Variants in ADAM10 observed in about 807,000 individuals in gnomAD.
ADAM10 encodes disintegrin and metalloproteinase domain-containing protein 10.
Under a neutral mutation model 90.1 loss-of-function variants are expected in ADAM10, and 17 were observed. The observed-to-expected ratio is 0.19, with a 90% CI of 0.13 to 0.28. ADAM10 has a LOEUF of 0.28. Among genes scored for constraint, ADAM10 ranks in the 10% least tolerant of loss-of-function variants. The pLI is 1.00. For synonymous variants in ADAM10, 310 were observed against 298.6 expected (o/e 1.04, Z -0.40); for missense variants, 610 against 914.3 (o/e 0.67, Z 4.29).
At chr15:58,699,769 C>G (rs1350417454) in intron 2 of ADAM10, among the ~76,000 whole-genome samples, 2 of 151,934 alleles carry the variant, frequency 1.3e-5, no homozygotes, top group African/African-American at 4.8e-5. Context: ...CAGTGAGAGC[C>G]CATCTCAAAA....
chr15:58,738,741 T>A (rs1235091329), intron 1 of ADAM10, among the ~76,000 whole-genome samples: 1 of 152,258 alleles, frequency 6.6e-6, no homozygotes, highest in African/African-American at 2.4e-5. Flanking sequence ...AAATACAATT[T>A]AAAAATCAAA....
chr15:58,650,452 A>G (rs1259283811), intron 5 of ADAM10, among the ~76,000 whole-genome samples: 1 of 152,254 alleles, frequency 6.6e-6, no homozygotes, highest in Admixed American at 6.5e-5. Context: ...TGAACATTTT[A>G]TAATTTATAC....
rs746440332 is a variant in ADAM10, at chr15:58,597,512, G to A, written c.*35C>T. 2 of 1,614,014 alleles carry A rather than the reference G, an allele frequency of 1.2e-6. No homozygotes were observed. The highest frequency in any genetic ancestry group is 1.1e-5 in the South Asian group (1 of 91,062). On this transcript the variant is annotated 3_prime_UTR_variant, in exon 16 of 16. Coordinates refer to ENST00000260408, the MANE Select transcript of ADAM10 (RefSeq NM_001110.4). ...CTCTTTGGAGTGAAGTTTTCCCATT[G>A]TAGGCACTAGGAAGAACCAAGGCAA...
At chr15:58,654,610 C>A (rs1297452539) in intron 5 of ADAM10, among the ~76,000 whole-genome samples, 1 of 152,146 alleles carries the variant, frequency 6.6e-6, no homozygotes, top group Non-Finnish European at 1.5e-5. Flanking sequence ...AACTCCTGGG[C>A]TCAAATGATC....
chr15:58,625,399 T>C (rs988005214), intron 10 of ADAM10, among the ~76,000 whole-genome samples: 20 of 152,106 alleles, frequency 1.3e-4, no homozygotes, highest in African/African-American at 4.8e-4. Flanking sequence ...AATAAGTACA[T>C]GAAAAGATGT....
At chr15:58,717,870 A>T in intron 1 of ADAM10, 143 bp from the exon 2 acceptor site, 1 of 1,243,960 alleles carries the variant, frequency 8.0e-7, no homozygotes. Context: ...CATTAATATT[A>T]ACACATATAT....
intron 4 of ADAM10, among the ~76,000 whole-genome samples, chr15:58,670,053 G>A (rs1481550869): frequency 6.6e-6 from 1 of 152,018 alleles, no homozygotes; most frequent in African/African-American, 2.4e-5. Context: ...ATAAACATAT[G>A]TCAAAAGTTA....
intron 1 of ADAM10, among the ~76,000 whole-genome samples, chr15:58,721,541 C>T (rs1230584455): frequency 2.6e-5 from 4 of 152,106 alleles, no homozygotes; most frequent in African/African-American, 9.7e-5. Context: ...GATAAAGCAG[C>T]CTACCTGCCC....
chr15:58,717,476 G>T (rs1898699917), intron 2 of ADAM10, 101 bp downstream of exon 2: 1 of 1,435,562 alleles, frequency 7.0e-7, no homozygotes, highest in Non-Finnish European at 9.6e-7. Flanking sequence ...TCCAAATGAA[G>T]ACCTTGCATT....
At chr15:58,737,909 A>G (rs1170271971) in intron 1 of ADAM10, among the ~76,000 whole-genome samples, 1 of 152,208 alleles carries the variant, frequency 6.6e-6, no homozygotes, top group Non-Finnish European at 1.5e-5. Context: ...CCTTGGTGTG[A>G]GACAGAAATA....
chr15:58,610,963 G>T, intron 13 of ADAM10, 36 bp downstream of exon 13: 1 of 1,509,266 alleles, frequency 6.6e-7, no homozygotes, highest in Non-Finnish European at 9.2e-7. Flanking sequence ...ATAGTTTGAG[G>T]CAAATTTTAT....
At chr15:58,665,966 T>C (rs1480104157) in intron 4 of ADAM10, among the ~76,000 whole-genome samples, 2 of 152,032 alleles carry the variant, frequency 1.3e-5, no homozygotes, top group African/African-American at 4.8e-5. Context: ...TTTTCCTACC[T>C]CAGTTTCTCA....
At chr15:58,742,712 C>T (rs1899655137) in intron 1 of ADAM10, among the ~76,000 whole-genome samples, 1 of 152,196 alleles carries the variant, frequency 6.6e-6, no homozygotes, top group Non-Finnish European at 1.5e-5. Context: ...AACATTGCTT[C>T]CTTTTTCCTA....
At position 58,749,070 on chromosome 15, in the gene ADAM10, A is replaced by C. The variant is rs909263888; in HGVS notation, c.55+410T>G. 3.3e-5 allele frequency: 13 copies of C among 398,802 alleles called. No individual in the cohort carries two copies. In the Admixed American group the frequency reaches 4.8e-4, roughly 15 times the overall value. The allele number at this position is 398,802 out of a possible 1,614,324, so 24.7% of individuals were successfully genotyped here. On this transcript the variant is annotated intron_variant, in intron 1 of 15. Transcript: ENST00000260408. ...GGAATGGTGAGCAGGATGAGCGCTG[A>C]ACGAGGACGGCGAGACCGCCAGCCT...
intron 10 of ADAM10, among the ~76,000 whole-genome samples, chr15:58,624,386 A>G (rs1450933419): frequency 5.3e-5 from 8 of 152,260 alleles, no homozygotes; most frequent in African/African-American, 1.9e-4. Context: ...TAATTTTATA[A>G]TTCACATGAC....
intron 2 of ADAM10, among the ~76,000 whole-genome samples, chr15:58,699,936 A>G (rs1206869464): frequency 6.6e-6 from 1 of 152,212 alleles, no homozygotes; most frequent in Non-Finnish European, 1.5e-5. Context: ...AACATGACTC[A>G]GCTATATGTT....
At chr15:58,686,709 C>T in intron 2 of ADAM10, 2 of 647,018 alleles carry the variant, frequency 3.1e-6, no homozygotes, top group Admixed American at 2.3e-5. Context: ...TTTTCCCTAA[C>T]TTTTAGAGAT....
chr15:58,683,439 T>C (rs1490722665), intron 2 of ADAM10, among the ~76,000 whole-genome samples: 4 of 152,196 alleles, frequency 2.6e-5, no homozygotes, highest in Non-Finnish European at 4.4e-5. Flanking sequence ...GGAAAACTGG[T>C]TTAAAAAATC....
intron 9 of ADAM10, among the ~76,000 whole-genome samples, chr15:58,628,940 C>A (rs1055026708): frequency 2.0e-4 from 31 of 152,176 alleles, no homozygotes; most frequent in African/African-American, 7.2e-4. Flanking sequence ...CTTCCTGATA[C>A]CTCTTGCCTT....
Sources: allele counts gnomAD v4.1 joint callset (sites outside exome capture counted in the v4.1 genomes callset), GRCh38; gene constraint gnomAD v4.1.1; transcripts MANE v1.5; gene names NCBI Gene and HGNC (gene_info 2026-07-23, HGNC 2026-07-21).